IRAK4: variants seen among roughly 807,000 people sequenced by gnomAD.
The protein encoded by IRAK4 is interleukin 1 receptor associated kinase 4, also known as interleukin-1 receptor-associated kinase 4.
A neutral mutation model predicts 51.8 loss-of-function variants in IRAK4; 44 were observed. The ratio of observed to expected loss-of-function variants is 0.85; its 90% CI spans 0.67 to 1.09. IRAK4 has a LOEUF of 1.09. Ranked by LOEUF, IRAK4 falls within the 50% of genes least tolerant of loss-of-function variation. The probability of loss-of-function intolerance (pLI) is 0.00; values close to 1 mark genes in which losing one functional copy is unlikely to be tolerated. For missense variants in IRAK4, 487 were observed against 538.0 expected (o/e 0.91, Z 0.94); for synonymous variants, 149 against 174.1 (o/e 0.86, Z 1.13).
intron 8 of IRAK4, among the ~76,000 whole-genome samples, chr12:43,778,668 C>G (rs1201786412): frequency 6.6e-6 from 1 of 151,958 alleles, no homozygotes; most frequent in Non-Finnish European, 1.5e-5. Context: ...GTGTATTTAT[C>G]TAGTTAAATA....
intron 8 of IRAK4, among the ~76,000 whole-genome samples, chr12:43,779,541 A>G (rs1323021532): frequency 6.6e-6 from 1 of 152,250 alleles, no homozygotes; most frequent in African/African-American, 2.4e-5. Context: ...GTGGCAGTTC[A>G]TAAGAAGAGA....
intron 9 of IRAK4, 32 bp downstream of exon 9, chr12:43,782,522 A>G (rs748432834): frequency 8.9e-5 from 134 of 1,507,648 alleles, no homozygotes; most frequent in Non-Finnish European, 1.2e-4. Context: ...ATTAAAAATA[A>G]TCATTCTGCT....
At chr12:43,780,509 A>G (rs549989740) in intron 8 of IRAK4, among the ~76,000 whole-genome samples, 14 of 151,542 alleles carry the variant, frequency 9.2e-5, no homozygotes, top group Non-Finnish European at 2.1e-4. Context: ...GCCATCTCCT[A>G]TCCTTCATGG....
In IRAK4 at chr12:43,787,623, A is replaced by G. The variant is rs1467707855; in HGVS notation, c.*908A>G. The G allele has an allele frequency of 1.3e-5, 2 of 152,222 alleles. No homozygotes were observed. The highest frequency in any genetic ancestry group is 2.9e-5 in the Non-Finnish European group (2 of 68,042). 9.4% of individuals were successfully genotyped at this position (152,222 alleles called of 1,614,324 possible). A position where few individuals can be genotyped will look rare whatever the true frequency, so the allele number is the denominator to read the frequency against. ...GGAACTGAATTCTGCCAAAAATCTG[A>G]GTCAGCTTAGAAGAGTACTCCAAGC... On this transcript the variant is annotated 3_prime_UTR_variant, in exon 12 of 12. Coordinates refer to ENST00000613694, the MANE Select transcript of IRAK4 (RefSeq NM_016123.4).
chr12:43,779,399 T>C (rs945297252), intron 8 of IRAK4, among the ~76,000 whole-genome samples: 1 of 152,206 alleles, frequency 6.6e-6, no homozygotes, highest in Non-Finnish European at 1.5e-5. Context: ...TTTAGTTTTA[T>C]CACAAGTGTA....
At chr12:43,770,610 C>T (rs1940649795) in intron 2 of IRAK4, among the ~76,000 whole-genome samples, 1 of 152,148 alleles carries the variant, frequency 6.6e-6, no homozygotes, top group Non-Finnish European at 1.5e-5. Context: ...TCTTTGGCAT[C>T]TTTTTTCCTC....
intron 6 of IRAK4, among the ~76,000 whole-genome samples, chr12:43,775,692 G>T (rs1409873115): frequency 1.3e-5 from 2 of 151,986 alleles, no homozygotes; most frequent in African/African-American, 2.4e-5. Flanking sequence ...ATCTTTAAAT[G>T]CAGTTATACT....
intron 5 of IRAK4, among the ~76,000 whole-genome samples, chr12:43,773,312 A>C (rs1940967737): frequency 6.6e-6 from 1 of 152,184 alleles, no homozygotes; most frequent in Non-Finnish European, 1.5e-5. Flanking sequence ...GGAGATTCAC[A>C]AACTAAAGTT....
Position 43,772,360 on chromosome 12 carries a change from C to T in IRAK4, c.488C>T (p.Thr163Ile). Residue 163 changes from threonine to isoleucine, a missense_variant and splice_region_variant, in exon 4 of 12, where the codon ACA (threonine) becomes ATA (isoleucine). Physicochemically the swap from Thr to Ile is moderately conservative, Grantham distance 89. Coordinates refer to ENST00000613694, the MANE Select transcript of IRAK4 (RefSeq NM_016123.4). Reference sequence around the variant, plus strand: ...AATAAAAGTTTAGAAGTTAGTGATACACGTAAGTAACATTTTCAGTGCTTT... The same window carrying T: ...AATAAAAGTTTAGAAGTTAGTGATATACGTAAGTAACATTTTCAGTGCTTT... ...PENKSLEVSDTRFHSFSFYEL... is the reference protein window; with the variant it reads ...PENKSLEVSDIRFHSFSFYEL... 6.2e-7 allele frequency: 1 copy of T among 1,610,470 alleles called. No homozygotes were observed. Among genetic ancestry groups the T allele is most frequent in the East Asian group, 2.2e-5 (1 of 44,864 alleles).
rs183559035 is a variant in IRAK4, at chr12:43,787,203, A to T, written c.*488A>T. 1 of 155,354 alleles carries T rather than the reference A, an allele frequency of 6.4e-6. No homozygotes were observed. Among genetic ancestry groups the T allele is most frequent in the East Asian group, 1.9e-4 (1 of 5,246 alleles). The allele number at this position is 155,354 out of a possible 1,614,324, so 9.6% of individuals were successfully genotyped here. ...ATACAAGCACTTTGTAAATTGTAAAATGATACAAAATTTAAAGTTTATAGA... is the reference window on the plus strand; with the variant it reads ...ATACAAGCACTTTGTAAATTGTAAATTGATACAAAATTTAAAGTTTATAGA... On this transcript the variant is annotated 3_prime_UTR_variant, in exon 12 of 12. Transcript: ENST00000613694.
chr12:43,759,872 GAAAAAA>G (rs1160443880), intron 1 of IRAK4, among the ~76,000 whole-genome samples: 3 of 76,536 alleles, frequency 3.9e-5, no homozygotes, highest in African/African-American at 1.1e-4. Context: ...CGTCTCAAAA[GAAAAAA>G]AAAAAAAAAA....
At chr12:43,761,938 G>A (rs1939602043) in intron 1 of IRAK4, among the ~76,000 whole-genome samples, 1 of 152,132 alleles carries the variant, frequency 6.6e-6, no homozygotes, top group African/African-American at 2.4e-5. Context: ...AGTCATGAAG[G>A]TATTTACTTA....
chr12:43,760,238 T>C (rs1198215197), intron 1 of IRAK4, among the ~76,000 whole-genome samples: 1 of 152,164 alleles, frequency 6.6e-6, no homozygotes, highest in African/African-American at 2.4e-5. Context: ...TAGCTTTCTA[T>C]TGGCTCCACC....
intron 8 of IRAK4, among the ~76,000 whole-genome samples, chr12:43,779,399 T>A (rs945297252): frequency 6.6e-6 from 1 of 152,206 alleles, no homozygotes; most frequent in African/African-American, 2.4e-5. Flanking sequence ...TTTAGTTTTA[T>A]CACAAGTGTA....
chr12:43,762,039 G>GT (rs3838815), intron 1 of IRAK4, among the ~76,000 whole-genome samples: 41 of 151,374 alleles, frequency 2.7e-4, no homozygotes, highest in Middle Eastern at 3.4e-3. Context: ...CACTTTTTAA[G>GT]TTTTTTTTTG....
At chr12:43,783,116 G>A (rs1177003754) in intron 9 of IRAK4, among the ~76,000 whole-genome samples, 1 of 152,104 alleles carries the variant, frequency 6.6e-6, no homozygotes, top group Non-Finnish European at 1.5e-5. Context: ...ATAGAAAAGA[G>A]CTGCTTATGG....
intron 2 of IRAK4, among the ~76,000 whole-genome samples, chr12:43,769,670 T>C (rs1440264556): frequency 6.6e-6 from 1 of 152,110 alleles, no homozygotes; most frequent in Admixed American, 6.5e-5. Context: ...GAAAAAGTAT[T>C]GTACACAAAT....
chr12:43,777,130 C>T (rs1941348945), intron 6 of IRAK4, among the ~76,000 whole-genome samples: 1 of 152,194 alleles, frequency 6.6e-6, no homozygotes, highest in African/African-American at 2.4e-5. Flanking sequence ...GTGGCTCACA[C>T]CTGTAATCCC....
rs762479548 is a variant in IRAK4, at chr12:43,786,543, C to T, written c.1333C>T (p.Pro445Ser). Residue 445 changes from proline (P) to serine (S), a missense_variant, in exon 11 of 12, where the codon CCA becomes TCA. By Grantham distance (74) the Pro-to-Ser change is moderately conservative. Transcript: ENST00000613694. ...QCLHEKKNKR[P>S]DIKKVQQLLQ... ...TCTGCATGAAAAGAAAAATAAGAGA[C>T]CAGACATTAAGAAGGTATGCATTTT... 2.7e-5 allele frequency: 43 copies of T among 1,613,176 alleles called. No homozygotes were observed. Among genetic ancestry groups the T allele is most frequent in the Non-Finnish European group, 3.3e-5 (39 of 1,179,674 alleles).
Sources: allele counts gnomAD v4.1 joint callset (sites outside exome capture counted in the v4.1 genomes callset), GRCh38; gene constraint gnomAD v4.1.1; transcripts MANE v1.5; gene names NCBI Gene and HGNC (gene_info 2026-07-23, HGNC 2026-07-21).